The following MFNG variants were observed in gnomAD, a reference collection of about 807,000 sequenced individuals.
MFNG encodes MFNG O-fucosylpeptide 3-beta-N-acetylglucosaminyltransferase, also known as beta-1,3-N-acetylglucosaminyltransferase manic fringe.
In MFNG, 24 loss-of-function variants were observed where a neutral mutation model predicts 34.2. That is an observed-to-expected ratio of 0.70 (90% CI 0.51 to 0.99). MFNG has a LOEUF of 0.99. MFNG is among the 50% of genes least tolerant of loss of function. MFNG has a pLI of 0.00. For synonymous variants in MFNG, 158 were observed against 179.2 expected (o/e 0.88, Z 0.94); for missense variants, 383 against 424.0 (o/e 0.90, Z 0.85).
In MFNG at chr22:37,480,301, T is replaced by C. The variant is rs764808761; in HGVS notation, c.305-2A>G. 1.9e-6 allele frequency: 3 copies of C among 1,612,810 alleles called. No individual in the cohort carries two copies. The South Asian group carries it at 3.3e-5, about 18-fold the overall frequency. ...AGTTGGTGACCACAAGGTGGGACCC[T>C]GGAGAAGTGAGGAGGAGTCAGGGGA... On this transcript the variant is annotated splice_acceptor_variant, in intron 2 of 7. Coordinates refer to ENST00000356998, the MANE Select transcript of MFNG (RefSeq NM_002405.4). LOFTEE classifies it high-confidence loss of function.
rs769203942 is a variant in MFNG at position 37,472,482 on chromosome 22, T to C, written c.860A>G (p.Lys287Arg). 117 of 1,584,202 alleles carry C rather than the reference T, an allele frequency of 7.4e-5. No individual in the cohort carries two copies. Among genetic ancestry groups the C allele is most frequent in the Non-Finnish European group, 8.8e-5 (103 of 1,168,188 alleles). The change falls in exon 7 of 8, where the codon AAG becomes AGG. Residue 287 changes from lysine to arginine, a missense_variant. By Grantham distance (26) the Lys-to-Arg change is conservative. Transcript: ENST00000356998. Reference protein sequence around the residue: ...GVFEGKLNVIKLQGPFSPEED... With the variant: ...GVFEGKLNVIRLQGPFSPEED... ...CTCCGGGGAGAAGGGGCCCTGTAGC[T>C]TAATGACGTTGAGTTTCCCCTCAAA...
chr22:37,486,124 G>C lies in MFNG; in HGVS notation c.54C>G (p.Cys18Trp). 1 of 1,607,376 alleles carries C rather than the reference G, an allele frequency of 6.2e-7. No homozygotes were observed. The highest frequency in any genetic ancestry group is 1.1e-5 in the South Asian group (1 of 90,864). Residue 18 changes from cysteine (C) to tryptophan (W), a missense_variant, in exon 1 of 8, where the codon TGC becomes TGG. Cys to Trp is a radical substitution (Grantham distance 215). Coordinates refer to ENST00000356998, the MANE Select transcript of MFNG (RefSeq NM_002405.4). ...GGTACCGCAGACACAGGAGCCCCAT[G>C]CACAGGAGGGTGAGGAGGGCTCCAG... ...GLAGALLTLLCMGLLCLRYHL... is the reference protein window; with the variant it reads ...GLAGALLTLLWMGLLCLRYHL...
chr22:37,479,780 A>G (rs1922207895), intron 3 of MFNG, among the ~76,000 whole-genome samples: 1 of 152,030 alleles, frequency 6.6e-6, no homozygotes, highest in Admixed American at 6.6e-5. Context: ...GAGGCAGGTG[A>G]ATCACCTGAG....
Position 37,486,214 on chromosome 22 carries a change from A to G in MFNG, c.-37T>C. On this transcript the variant is annotated 5_prime_UTR_variant, in exon 1 of 8. Transcript: ENST00000356998. Reference sequence around the variant, plus strand: ...GGGACCCCAGACAGCTCAGCCCCCAAATCCCAACCAGACAGGGAGGGGAAG... The same window carrying G: ...GGGACCCCAGACAGCTCAGCCCCCAGATCCCAACCAGACAGGGAGGGGAAG... The G allele has an allele frequency of 6.7e-7, 1 of 1,487,126 alleles. No homozygotes were observed. The highest frequency in any genetic ancestry group is 1.3e-5 in the South Asian group (1 of 75,122). The allele number at this position is 1,487,126 out of a possible 1,614,324, so 92.1% of individuals were successfully genotyped here.
At chr22:37,480,442 C>T (rs566558529) in intron 2 of MFNG, 143 bp from the exon 3 acceptor site, 14 of 708,258 alleles carry the variant, frequency 2.0e-5, no homozygotes, top group Non-Finnish European at 3.1e-5. Flanking sequence ...GACTGAGACC[C>T]GGGGAAGGCA....
Position 37,479,316 on chromosome 22 carries a change from A to G in MFNG, c.561+29T>C, listed in dbSNP as rs948592470. 68 of 1,529,284 alleles carry G rather than the reference A, an allele frequency of 4.4e-5. No homozygotes were observed. In the East Asian group the frequency reaches 1.7e-3, roughly 37 times the overall value. 94.7% of individuals were successfully genotyped at this position (1,529,284 alleles called of 1,614,324 possible). On this transcript the variant is annotated intron_variant, in intron 4 of 7. Coordinates refer to ENST00000356998, the MANE Select transcript of MFNG (RefSeq NM_002405.4). ...CCCGGCCCTTGGGATCAGCGGGCCA[A>G]GGGGCAAAGGAGGAGGAGAGGGACC...
intron 5 of MFNG, 95 bp from the exon 6 acceptor site, chr22:37,474,772 G>A: frequency 1.5e-6 from 2 of 1,345,304 alleles, no homozygotes; most frequent in Admixed American, 2.5e-5. Context: ...GGACAAGCTG[G>A]CAGAACAGAG....
In MFNG at chr22:37,482,476, C is replaced by A. The variant is rs1234997147; in HGVS notation, c.256-1707G>T. 6.6e-6 allele frequency among the ~76,000 whole-genome samples: 1 copy of A among 152,004 alleles called. No homozygotes were observed. Among genetic ancestry groups the A allele is most frequent in the Non-Finnish European group, 1.5e-5 (1 of 67,996 alleles). ...ACGCACGCATACACACACACACACACACACGCACGTGCGCACGCCTCTGAG... is the reference window on the plus strand; with the variant it reads ...ACGCACGCATACACACACACACACAAACACGCACGTGCGCACGCCTCTGAG... On this transcript the variant is annotated intron_variant, in intron 1 of 7. Coordinates refer to ENST00000356998, the MANE Select transcript of MFNG (RefSeq NM_002405.4). This position sits in a 1 kb window ranked among gnomAD's most constrained non-coding sequence, Gnocchi z 4.1.
intron 5 of MFNG, among the ~76,000 whole-genome samples, chr22:37,475,425 C>T (rs1569156541): frequency 5.9e-5 from 9 of 152,050 alleles, no homozygotes; most frequent in Admixed American, 3.9e-4. Context: ...AGTTTCACCA[C>T]GTTGGCCAGG....
rs773313240 is a variant in MFNG at position 37,472,434 on chromosome 22, C to T, written c.899+9G>A. The T allele has an allele frequency of 5.7e-6, 9 of 1,571,794 alleles. No individual in the cohort carries two copies. Among genetic ancestry groups the T allele is most frequent in the Non-Finnish European group, 6.9e-6 (8 of 1,163,714 alleles). ...TCCTCCCATCCAAGGTTCCAGCCCCCAGACCCACCTGGAGGGGTCCTCCTC... is the reference window on the plus strand; with the variant it reads ...TCCTCCCATCCAAGGTTCCAGCCCCTAGACCCACCTGGAGGGGTCCTCCTC... On this transcript the variant is annotated intron_variant, in intron 7 of 7. Coordinates refer to ENST00000356998, the MANE Select transcript of MFNG (RefSeq NM_002405.4).
intron 1 of MFNG, among the ~76,000 whole-genome samples, chr22:37,484,823 A>G (rs1039442152): frequency 2.0e-5 from 3 of 152,194 alleles, no homozygotes; most frequent in Non-Finnish European, 4.4e-5. Flanking sequence ...GTACGAGGGC[A>G]GAAATCAGGG....
rs1367540474 is a variant in MFNG, at chr22:37,482,079, C to T, written c.256-1310G>A. Among the ~76,000 whole-genome samples the T allele has an allele frequency of 6.6e-6, 1 of 152,192 alleles. No homozygotes were observed. Among genetic ancestry groups the T allele is most frequent in the African/African-American group, 2.4e-5 (1 of 41,428 alleles). The stretch of plus-strand genomic sequence containing the variant: ...TCAGGGGAAACTGAGGCATAGGAGG[C>T]CAGGAGGCCGGGAGCCAGGTTTGAC... On this transcript the variant is annotated intron_variant, in intron 1 of 7. Coordinates refer to ENST00000356998, the MANE Select transcript of MFNG (RefSeq NM_002405.4). This position sits in a 1 kb window ranked among gnomAD's most constrained non-coding sequence, Gnocchi z 4.1.
intron 5 of MFNG, 74 bp downstream of exon 5, chr22:37,476,822 C>G: frequency 8.1e-7 from 1 of 1,231,142 alleles, no homozygotes; most frequent in Non-Finnish European, 1.2e-6. Context: ...GCCCTTCCTG[C>G]TGCAAAGGCC....
At chr22:37,476,643 G>A (rs112544642) in intron 5 of MFNG, among the ~76,000 whole-genome samples, 265 of 152,282 alleles carry the variant, frequency 1.7e-3, no homozygotes, top group African/African-American at 5.7e-3. Flanking sequence ...TCCATGTGCC[G>A]ACGGGGGGAC....
chr22:37,469,770 G>C lies in MFNG; in HGVS notation c.*193C>G. 1.4e-6 allele frequency: 1 copy of C among 696,310 alleles called. No individual in the cohort carries two copies. Among genetic ancestry groups the C allele is most frequent in the Non-Finnish European group, 2.7e-6 (1 of 372,514 alleles). The allele number at this position is 696,310 out of a possible 1,614,324, so 43.1% of individuals were successfully genotyped here. A position where few individuals can be genotyped will look rare whatever the true frequency, so the allele number is the denominator to read the frequency against. ...CCTGGTCCACCTGGTCCCCTGGGCT[G>C]TCTAACTCACCTCCCAGGGGCCTGG... On this transcript the variant is annotated 3_prime_UTR_variant, in exon 8 of 8. Transcript: ENST00000356998.
intron 5 of MFNG, 45 bp downstream of exon 5, chr22:37,476,851 C>T: frequency 2.7e-6 from 4 of 1,484,958 alleles, no homozygotes; most frequent in East Asian, 2.3e-5. Flanking sequence ...ACCCCAGCTG[C>T]CACCCCCTCC....
chr22:37,484,058 C>T (rs1036399958), intron 1 of MFNG, among the ~76,000 whole-genome samples: 1 of 152,182 alleles, frequency 6.6e-6, no homozygotes, highest in African/African-American at 2.4e-5. Context: ...GAGGGGTGGC[C>T]GGGGACCATC....
At chr22:37,473,812 G>A (rs960920459) in intron 6 of MFNG, among the ~76,000 whole-genome samples, 1 of 152,222 alleles carries the variant, frequency 6.6e-6, no homozygotes, top group African/African-American at 2.4e-5. Flanking sequence ...AGTTATGTGA[G>A]CCAACAATTT....
At chr22:37,472,722 T>C in intron 6 of MFNG, 194 bp from the exon 7 acceptor site, 1 of 510,460 alleles carries the variant, frequency 2.0e-6, no homozygotes, top group South Asian at 2.8e-5. Flanking sequence ...TGCCATGCCC[T>C]TAATCCCATT....
Sources: allele counts gnomAD v4.1 joint callset (sites outside exome capture counted in the v4.1 genomes callset), GRCh38; gene constraint gnomAD v4.1.1; non-coding constraint Gnocchi (gnomAD v3.1); transcripts MANE v1.5; gene names NCBI Gene and HGNC (gene_info 2026-07-23, HGNC 2026-07-21).